The following SH2D2A variants were observed in gnomAD, a reference collection of about 807,000 sequenced individuals.
SH2D2A encodes the protein SH2 domain containing 2A.
Under a neutral mutation model 43.6 loss-of-function variants are expected in SH2D2A, and 33 were observed. That is an observed-to-expected ratio of 0.76 (90% CI 0.57 to 1.01). The LOEUF is 1.01. Among genes scored for constraint, SH2D2A ranks in the 50% least tolerant of loss-of-function variants. The probability of loss-of-function intolerance (pLI) is 0.00; values close to 1 mark genes in which losing one functional copy is unlikely to be tolerated. For synonymous variants in SH2D2A, 212 were observed against 206.1 expected (o/e 1.03, Z -0.25); for missense variants, 491 against 503.1 (o/e 0.98, Z 0.23).
Position 156,806,327 on chromosome 1 carries a change from C to T in SH2D2A, c.*250G>A, listed in dbSNP as rs968707831. 6.6e-6 allele frequency: 1 copy of T among 152,294 alleles called. No individual in the cohort carries two copies. Among genetic ancestry groups the T allele is most frequent in the African/African-American group, 2.4e-5 (1 of 41,448 alleles). 9.4% of individuals were successfully genotyped at this position (152,294 alleles called of 1,614,324 possible). On this transcript the variant is annotated 3_prime_UTR_variant, in exon 9 of 9. Coordinates refer to ENST00000368199, the MANE Select transcript of SH2D2A (RefSeq NM_003975.4). The stretch of plus-strand genomic sequence containing the variant: ...GTTCTAACATCTGTTCTCACCAAAC[C>T]ATTCCTCAGACAACAGCAGCATTGG...
In SH2D2A at chr1:156,807,744, G is replaced by A. The variant is rs1653070769; in HGVS notation, c.1003-399C>T. Among the ~76,000 whole-genome samples, 1 of 152,240 alleles carries A rather than the reference G, an allele frequency of 6.6e-6. No homozygotes were observed. Among genetic ancestry groups the A allele is most frequent in the African/African-American group, 2.4e-5 (1 of 41,470 alleles). ...AGTTGCCAGGCAGCGGGAGGATGAG[G>A]TTGCAGGAAGTTGCTATAGGCAGAG... On this transcript the variant is annotated intron_variant, in intron 7 of 8. Coordinates refer to ENST00000368199, the MANE Select transcript of SH2D2A (RefSeq NM_003975.4). The surrounding 1 kb of genome is among the most constrained non-coding windows in gnomAD (Gnocchi z 5.1).
intron 4 of SH2D2A, 91 bp downstream of exon 4, chr1:156,814,114 C>G: frequency 6.5e-7 from 1 of 1,547,492 alleles, no homozygotes; most frequent in Non-Finnish European, 8.7e-7. Context: ...GGGGAATGAG[C>G]TAAGAGCCCG....
chr1:156,813,426 G>A (rs1653562627), intron 5 of SH2D2A, among the ~76,000 whole-genome samples: 1 of 152,180 alleles, frequency 6.6e-6, no homozygotes, highest in Admixed American at 6.5e-5. Flanking sequence ...GCCTAGAGGG[G>A]GGAAGCTGAC....
Position 156,809,316 on chromosome 1 carries a change from G to C in SH2D2A, c.889C>G (p.Pro297Ala). The change falls in exon 7 of 9, where the codon CCT becomes GCT. Residue 297 changes from proline (P) to alanine (A), a missense_variant. Physicochemically the swap from Pro to Ala is conservative, Grantham distance 27. Coordinates refer to ENST00000368199, the MANE Select transcript of SH2D2A (RefSeq NM_003975.4). The surrounding 1 kb of genome is among the most constrained non-coding windows in gnomAD (Gnocchi z 4.8). ...IAFYAMGRGS[P>A]GEAPSNIYVE... ...TAGATGTTGCTGGGGGCTTCCCCAG[G>C]GCTGCCCCGGCCCATGGCATAGAAA... The C allele has an allele frequency of 6.2e-7, 1 of 1,614,192 alleles. No homozygotes were observed. Among genetic ancestry groups the C allele is most frequent in the East Asian group, 2.2e-5 (1 of 44,882 alleles).
chr1:156,809,457 G>C lies in SH2D2A; in HGVS notation c.748C>G (p.Pro250Ala). 1 of 1,610,544 alleles carries C rather than the reference G, an allele frequency of 6.2e-7. No individual in the cohort carries two copies. Among genetic ancestry groups the C allele is most frequent in the Non-Finnish European group, 8.5e-7 (1 of 1,178,902 alleles). The change falls in exon 7 of 9, where the codon CCC becomes GCC. Residue 250 changes from proline to alanine, a missense_variant. Transcript: ENST00000368199. The surrounding 1 kb of genome is among the most constrained non-coding windows in gnomAD (Gnocchi z 4.8). ...SQLLRPKPPI[P>A]AKPQLPPEVY... is the part of the protein sequence containing the mutation. Reference sequence around the variant, plus strand: ...TCTGGGGGCAGCTGAGGTTTGGCGGGGATGGGAGGCTTGGGCCTGAGCAGC... The same window carrying C: ...TCTGGGGGCAGCTGAGGTTTGGCGGCGATGGGAGGCTTGGGCCTGAGCAGC...
rs141999699 is a variant in SH2D2A at position 156,812,932 on chromosome 1, A to G, written c.567+916T>C. ...GTGCGCAGAAAGTTGCGTGGCACAC[A>G]GTGGTCCCTCAGCACTGCCTGAACT... On this transcript the variant is annotated intron_variant, in intron 5 of 8. Transcript: ENST00000368199. Among the ~76,000 whole-genome samples the G allele has an allele frequency of 9.3e-4, 141 of 152,340 alleles. No homozygotes were observed. The Middle Eastern group carries it at 0.01, about 11-fold the overall frequency.
At chr1:156,812,133 A>G (rs1653462473) in intron 5 of SH2D2A, among the ~76,000 whole-genome samples, 3 of 152,010 alleles carry the variant, frequency 2.0e-5, no homozygotes, top group Admixed American at 1.3e-4. Flanking sequence ...ACAAAAACCC[A>G]GCAGCTCCAC....
At position 156,809,279 on chromosome 1, in the gene SH2D2A, T is replaced by C; in HGVS notation, c.926A>G (p.Glu309Gly). Reference protein sequence around the residue: ...EAPSNIYVEVEDEGLPATLGH... With the variant: ...EAPSNIYVEVGDEGLPATLGH... ...AAGGGTGGCGGGTAGGCCCTCATCT[T>C]CCACTTCCACATAGATGTTGCTGGG... Residue 309 changes from glutamate to glycine, a missense_variant, in exon 7 of 9, where the codon GAA becomes GGA. By Grantham distance (98) the Glu-to-Gly change is moderately conservative (BLOSUM62 -2). Coordinates refer to ENST00000368199, the MANE Select transcript of SH2D2A (RefSeq NM_003975.4). The surrounding 1 kb of genome is among the most constrained non-coding windows in gnomAD (Gnocchi z 4.8). The C allele has an allele frequency of 1.9e-6, 3 of 1,614,074 alleles. No individual in the cohort carries two copies. Among genetic ancestry groups the C allele is most frequent in the Non-Finnish European group, 1.7e-6 (2 of 1,179,972 alleles).
intron 2 of SH2D2A, chr1:156,815,455 A>G (rs1035813540): frequency 7.0e-6 from 4 of 571,636 alleles, no homozygotes; most frequent in Non-Finnish European, 1.2e-5. Flanking sequence ...AGGGCTTTTA[A>G]TCCAGCAGCA....
In SH2D2A at chr1:156,809,737, T is replaced by C; in HGVS notation, c.638A>G (p.Asn213Ser). The C allele has an allele frequency of 6.2e-7, 1 of 1,613,564 alleles. No homozygotes were observed. Among genetic ancestry groups the C allele is most frequent in the Non-Finnish European group, 8.5e-7 (1 of 1,179,892 alleles). The stretch of plus-strand genomic sequence containing the variant: ...TTTGATGATTGGGCTGTACTGGGGG[T>C]TTGGGTCCTGGCTTTTGCTTCCAAA... Reference protein sequence around the residue: ...SNFGSKSQDPNPQYSPIIKQG... With the variant: ...SNFGSKSQDPSPQYSPIIKQG... The change falls in exon 6 of 9, where the codon AAC becomes AGC. Residue 213 changes from asparagine to serine, a missense_variant. Physicochemically the swap from Asn to Ser is conservative, Grantham distance 46. Coordinates refer to ENST00000368199, the MANE Select transcript of SH2D2A (RefSeq NM_003975.4). The surrounding 1 kb of genome is among the most constrained non-coding windows in gnomAD (Gnocchi z 4.8).
chr1:156,816,762 A>G lies in SH2D2A; in HGVS notation c.-54T>C, dbSNP rs897827378. ...CAGGGTGTGTGTATGTGTTCCGGAA[A>G]GGTGTGCACACTCAGCAACTCATCA... On this transcript the variant is annotated 5_prime_UTR_variant, in exon 1 of 9. Coordinates refer to ENST00000368199, the MANE Select transcript of SH2D2A (RefSeq NM_003975.4). 4 of 1,505,268 alleles carry G rather than the reference A, an allele frequency of 2.7e-6. No individual in the cohort carries two copies. In the African/African-American group the frequency reaches 5.7e-5, roughly 21 times the overall value. 93.2% of individuals were successfully genotyped at this position (1,505,268 alleles called of 1,614,324 possible).
rs759515336 is a variant in SH2D2A at position 156,813,933 on chromosome 1, G to T, written c.482C>A (p.Ala161Glu). The change falls in exon 5 of 9, where the codon GCG becomes GAG. Residue 161 changes from alanine to glutamate, a missense_variant. Transcript: ENST00000368199. ...GTGCAGCAGCAGGTCCTGCAGCCGC[G>T]CGTGGGCGCTGTCCTCGCCCAGCAC... is the stretch of plus-strand genomic sequence containing the variant. ...HVVLGEDSAHARLQDLLLHYT... is the reference protein window; with the variant it reads ...HVVLGEDSAHERLQDLLLHYT... 5.9e-6 allele frequency: 9 copies of T among 1,535,744 alleles called. No individual in the cohort carries two copies. The highest frequency in any genetic ancestry group is 3.8e-4 in the Middle Eastern group (2 of 5,262).
intron 1 of SH2D2A, among the ~76,000 whole-genome samples, chr1:156,816,360 T>C (rs1267970303): frequency 6.6e-6 from 1 of 152,092 alleles, no homozygotes; most frequent in Non-Finnish European, 1.5e-5. Context: ...CTTCGGATGG[T>C]CAGGGAGGCA....
chr1:156,814,978 A>C (rs925925052), intron 3 of SH2D2A, 59 bp downstream of exon 3: 3 of 1,383,646 alleles, frequency 2.2e-6, no homozygotes, highest in Non-Finnish European at 2.9e-6. Context: ...AGGTGGCAGG[A>C]CCCAGACCCA....
At chr1:156,811,738 C>T (rs1653435165) in intron 5 of SH2D2A, among the ~76,000 whole-genome samples, 1 of 152,228 alleles carries the variant, frequency 6.6e-6, no homozygotes. Flanking sequence ...GAGCATCACA[C>T]TCTTCTGGCT....
intron 7 of SH2D2A, among the ~76,000 whole-genome samples, chr1:156,808,640 A>T (rs114551306): frequency 0.031 from 4,670 of 152,072 alleles, 103 homozygotes; most frequent in Admixed American, 0.055. Flanking sequence ...CCATGGCATG[A>T]GGTACTGACT....
rs1653213485 is a variant in SH2D2A, at chr1:156,809,281, C to T, written c.924G>A (p.Val308=). The T allele has an allele frequency of 1.2e-6, 2 of 1,614,104 alleles. No individual in the cohort carries two copies. The highest frequency in any genetic ancestry group is 4.5e-5 in the East Asian group (2 of 44,856). Reference sequence around the variant, plus strand: ...GGGTGGCGGGTAGGCCCTCATCTTCCACTTCCACATAGATGTTGCTGGGGG... The same window carrying T: ...GGGTGGCGGGTAGGCCCTCATCTTCTACTTCCACATAGATGTTGCTGGGGG... ...GEAPSNIYVE[V]EDEGLPATLG... is the part of the protein sequence containing the mutation. The change falls in exon 7 of 9, where the codon GTG becomes GTA. Residue 308 remains valine (V), a synonymous_variant. Coordinates refer to ENST00000368199, the MANE Select transcript of SH2D2A (RefSeq NM_003975.4). This position sits in a 1 kb window ranked among gnomAD's most constrained non-coding sequence, Gnocchi z 4.8.
intron 3 of SH2D2A, 74 bp downstream of exon 3, chr1:156,814,963 C>T (rs1653750679): frequency 1.5e-6 from 2 of 1,318,526 alleles, no homozygotes; most frequent in South Asian, 1.8e-5. Context: ...TCATCTATTC[C>T]TGGCAGGTGG....
chr1:156,813,821 T>G, intron 5 of SH2D2A, 27 bp downstream of exon 5: 1 of 1,392,980 alleles, frequency 7.2e-7, no homozygotes. Flanking sequence ...GACCCTGGGC[T>G]CTCTGGTCAG....
Sources: gnomAD v4.1 joint callset for allele counts (sites outside exome capture counted in the v4.1 genomes callset) on GRCh38, gnomAD v4.1.1 for gene constraint, Gnocchi (gnomAD v3.1) non-coding constraint, MANE v1.5 for transcripts, NCBI Gene and HGNC (gene_info 2026-07-23, HGNC 2026-07-21) for gene names.